ETV1: variants seen among roughly 807,000 people sequenced by gnomAD.
The protein encoded by ETV1 is ETS translocation variant 1.
Under a neutral mutation model 62.3 loss-of-function variants are expected in ETV1, and 27 were observed. The ratio of observed to expected loss-of-function variants is 0.43; its 90% CI spans 0.32 to 0.60. The LOEUF (loss-of-function observed/expected upper bound fraction) is 0.60. Among genes scored for constraint, ETV1 ranks in the 20% least tolerant of loss-of-function variants. The pLI is 0.06. For missense variants in ETV1, 605 were observed against 605.8 expected (o/e 1.00, Z 0.01); for synonymous variants, 222 against 199.6 (o/e 1.11, Z -0.94).
chr7:13,986,805 C>A, intron 4 of ETV1, 120 bp from the exon 5 acceptor site: 2 of 746,050 alleles, frequency 2.7e-6, no homozygotes, highest in Non-Finnish European at 4.1e-6. Context: ...ACGCAGTCAA[C>A]ATAAAAATAA....
At chr7:13,962,187 ACAC>A (rs1790249454) in intron 6 of ETV1, among the ~76,000 whole-genome samples, 2 of 149,944 alleles carry the variant, frequency 1.3e-5, no homozygotes. Flanking sequence ...ATGTACACAC[ACAC>A]ACACACACAC....
chr7:13,931,139 T>C (rs1439667425), intron 9 of ETV1, among the ~76,000 whole-genome samples: 4 of 152,296 alleles, frequency 2.6e-5, no homozygotes, highest in Middle Eastern at 3.4e-3. Flanking sequence ...AGAAGAATAT[T>C]ACTTTCTGTA....
chr7:13,911,182 G>A, intron 10 of ETV1, 57 bp downstream of exon 10: 1 of 1,133,704 alleles, frequency 8.8e-7, no homozygotes, highest in Non-Finnish European at 1.3e-6. Flanking sequence ...GTCATATTTG[G>A]GATGTCTGAT....
In ETV1 at chr7:13,988,094, T is replaced by G; in HGVS notation, c.125A>C (p.Asp42Ala). The change falls in exon 4 of 14, where the codon GAT becomes GCT. Residue 42 changes from aspartate to alanine, a missense_variant. Transcript: ENST00000430479. ...CCAAAATCAAACCTCACCTTCTGAA[T>G]CATGAGCCAGATCTCTGTTAATGAA... is the stretch of plus-strand genomic sequence containing the variant. ...RKFINRDLAH[D>A]SEELFQDLSQ... 2 of 1,609,164 alleles carry G rather than the reference T, an allele frequency of 1.2e-6. No homozygotes were observed. Among genetic ancestry groups the G allele is most frequent in the Non-Finnish European group, 1.7e-6 (2 of 1,175,596 alleles).
chr7:13,897,902 G>T (rs559195034), intron 13 of ETV1, among the ~76,000 whole-genome samples: 65 of 152,274 alleles, frequency 4.3e-4, no homozygotes, highest in Admixed American at 1.4e-3. Flanking sequence ...TGTGGAGGAA[G>T]ATACATTTGC....
At chr7:13,971,057 T>C (rs146872563) in intron 6 of ETV1, among the ~76,000 whole-genome samples, 1,557 of 152,246 alleles carry the variant, frequency 0.01, 22 homozygotes, top group African/African-American at 0.035. Flanking sequence ...CGGCAACCTC[T>C]ACCTCCCAGG....
intron 6 of ETV1, among the ~76,000 whole-genome samples, chr7:13,945,247 T>C (rs2128465988): frequency 6.6e-6 from 1 of 152,312 alleles, no homozygotes; most frequent in South Asian, 2.1e-4. Flanking sequence ...TGTGATCTGA[T>C]GTATGCCGCA....
chr7:13,963,054 G>A (rs2128485045), intron 6 of ETV1, among the ~76,000 whole-genome samples: 1 of 152,214 alleles, frequency 6.6e-6, no homozygotes, highest in Admixed American at 6.5e-5. Context: ...ACCTATGAAT[G>A]TAGTTCCTTA....
At chr7:13,974,003 A>G (rs1270470807) in intron 6 of ETV1, among the ~76,000 whole-genome samples, 2 of 152,204 alleles carry the variant, frequency 1.3e-5, no homozygotes, top group African/African-American at 4.8e-5. Flanking sequence ...GCCATGCTGA[A>G]TGTGACGTGT....
intron 12 of ETV1, 21 bp from the exon 13 acceptor site, chr7:13,900,860 A>G (rs2128406419): frequency 4.0e-6 from 6 of 1,506,160 alleles, no homozygotes; most frequent in Middle Eastern, 3.4e-4. Context: ...ACAGAATTAC[A>G]TTGTAGTGTT....
chr7:13,949,838 T>C (rs1251613349), intron 6 of ETV1, among the ~76,000 whole-genome samples: 1 of 152,204 alleles, frequency 6.6e-6, no homozygotes, highest in Non-Finnish European at 1.5e-5. Flanking sequence ...CATTCACCTA[T>C]AATATTTCCG....
At position 13,893,826 on chromosome 7, in the gene ETV1, T is replaced by C. The variant is rs1307882218; in HGVS notation, c.*2040A>G. On this transcript the variant is annotated 3_prime_UTR_variant, in exon 14 of 14. Coordinates refer to ENST00000430479, the MANE Select transcript of ETV1 (RefSeq NM_004956.5). ...GCTGTAGATGGCCACATAAGCATAGTGGGGAGAAAAGGTTCTGATTTTTAA... is the reference window on the plus strand; with the variant it reads ...GCTGTAGATGGCCACATAAGCATAGCGGGGAGAAAAGGTTCTGATTTTTAA... 8.6e-6 allele frequency: 2 copies of C among 232,966 alleles called. No homozygotes were observed. The highest frequency in any genetic ancestry group is 4.4e-5 in the African/African-American group (2 of 45,316). 14.4% of individuals were successfully genotyped at this position (232,966 alleles called of 1,614,324 possible). A position where few individuals can be genotyped will look rare whatever the true frequency, so the allele number is the denominator to read the frequency against.
rs545185031 is a variant in ETV1 at position 13,944,879 on chromosome 7, T to C, written c.236-5633A>G. Among the ~76,000 whole-genome samples, 16 of 152,182 alleles carry C rather than the reference T, an allele frequency of 1.1e-4. No individual in the cohort carries two copies. The South Asian group carries it at 2.1e-3, about 20-fold the overall frequency. ...AAGGGGGAATCTGGATAAAGAGACA[T>C]GCACACAGGGAGACTGCTACGTGAA... On this transcript the variant is annotated intron_variant, in intron 6 of 13. Coordinates refer to ENST00000430479, the MANE Select transcript of ETV1 (RefSeq NM_004956.5).
At chr7:13,983,902 G>A (rs1428355443) in intron 5 of ETV1, among the ~76,000 whole-genome samples, 1 of 151,532 alleles carries the variant, frequency 6.6e-6, no homozygotes, top group African/African-American at 2.4e-5. Context: ...AAACAGTCCT[G>A]CCTTATCTAT....
chr7:13,984,964 AAG>A (rs140142429), intron 5 of ETV1, among the ~76,000 whole-genome samples: 2,417 of 152,062 alleles, frequency 0.016, 56 homozygotes, highest in African/African-American at 0.055. Context: ...ATAAAATGGT[AAG>A]AGTCTGTCAC....
rs1446934574 is a variant in ETV1, at chr7:13,896,236, T to A, written c.1213-149A>T. On this transcript the variant is annotated intron_variant, in intron 13 of 13. Transcript: ENST00000430479. ...GCAAACAACTAATAGCAGATACACA[T>A]AAAAAAAAAAAAGTCTTTACTTTGT... 92 of 481,874 alleles carry A rather than the reference T, an allele frequency of 1.9e-4. No homozygotes were observed. Among genetic ancestry groups the A allele is most frequent in the Middle Eastern group, 1.1e-3 (2 of 1,842 alleles). 29.8% of individuals were successfully genotyped at this position (481,874 alleles called of 1,614,324 possible). A position where few individuals can be genotyped will look rare whatever the true frequency, so the allele number is the denominator to read the frequency against.
Position 13,931,798 on chromosome 7 carries a change from T to C in ETV1, c.555-49A>G, listed in dbSNP as rs17167666. ...CAGATGAAACGGTAACATGGAACAT[T>C]CTTTAAAATACGGATACGGTTTTCC... is the stretch of plus-strand genomic sequence containing the variant. On this transcript the variant is annotated intron_variant, in intron 8 of 13. Coordinates refer to ENST00000430479, the MANE Select transcript of ETV1 (RefSeq NM_004956.5). The C allele has an allele frequency of 7.5e-3, 11,946 of 1,598,490 alleles. 364 individuals are homozygous for C. The African/African-American group carries it at 0.096, about 13-fold the overall frequency.
chr7:13,895,818 C>G lies in ETV1; in HGVS notation c.*48G>C, dbSNP rs762173595. 2.8e-4 allele frequency: 350 copies of G among 1,257,242 alleles called. No individual in the cohort carries two copies. Among genetic ancestry groups the G allele is most frequent in the Non-Finnish European group, 2.8e-5 (24 of 871,078 alleles). The allele number at this position is 1,257,242 out of a possible 1,614,324, so 77.9% of individuals were successfully genotyped here. On this transcript the variant is annotated 3_prime_UTR_variant, in exon 14 of 14. Transcript: ENST00000430479. ...AGATTCAGCAATTCTCTGTATCTTG[C>G]AGAAAAAAGGAAAAGCGCAAAAACG...
chr7:13,938,943 G>C (rs1286799520), intron 7 of ETV1, among the ~76,000 whole-genome samples, 174 bp downstream of exon 7: 3 of 152,186 alleles, frequency 2.0e-5, no homozygotes, highest in Non-Finnish European at 4.4e-5. Context: ...TGAATCCAAA[G>C]TGTGTGATTG....
Sources: allele counts gnomAD v4.1 joint callset (sites outside exome capture counted in the v4.1 genomes callset), GRCh38; gene constraint gnomAD v4.1.1; transcripts MANE v1.5; gene names NCBI Gene and HGNC (gene_info 2026-07-23, HGNC 2026-07-21).